Variants in NCAM2 observed in about 807,000 individuals in gnomAD.
The protein encoded by NCAM2 is neural cell adhesion molecule 2, also known as N-CAM-2.
Under a neutral mutation model 98.1 loss-of-function variants are expected in NCAM2, and 30 were observed. The observed-to-expected ratio is 0.31, with a 90% CI of 0.23 to 0.41. The LOEUF (loss-of-function observed/expected upper bound fraction) is 0.41. NCAM2 is among the 10% of genes least tolerant of loss of function. The pLI, the probability that NCAM2 is intolerant of heterozygous loss-of-function variation, is 1.00. For synonymous variants in NCAM2, 368 were observed against 342.4 expected, an observed-to-expected ratio of 1.07 and a Z score of -0.83; for missense variants, 867 against 1,005.8, an observed-to-expected ratio of 0.86 and a Z score of 1.87.
At chr21:21,216,774 T>C (rs1490154644) in intron 1 of NCAM2, among the ~76,000 whole-genome samples, 1 of 152,208 alleles carries the variant, frequency 6.6e-6, no homozygotes, top group East Asian at 1.9e-4. Context: ...AATGAGGATT[T>C]CTTTCCTCTG....
intron 1 of NCAM2, among the ~76,000 whole-genome samples, chr21:21,088,961 ACT>A (rs2065958308): frequency 7.4e-6 from 1 of 135,602 alleles, no homozygotes; most frequent in African/African-American, 3.1e-5. Context: ...ACAGAGCGAA[ACT>A]CTGTCTCAAA....
At chr21:21,243,276 GA>G (rs2071140600) in intron 1 of NCAM2, among the ~76,000 whole-genome samples, 1 of 152,134 alleles carries the variant, frequency 6.6e-6, no homozygotes, top group Non-Finnish European at 1.5e-5. Flanking sequence ...AAATAATTTA[GA>G]ATGCATAGAT....
intron 5 of NCAM2, among the ~76,000 whole-genome samples, chr21:21,313,383 G>T (rs1020056284): frequency 6.6e-6 from 1 of 151,712 alleles, no homozygotes; most frequent in Non-Finnish European, 1.5e-5. Flanking sequence ...ACTTTTTCAA[G>T]TTGAATGCAC....
chr21:21,420,992 A>G (rs925532079), intron 11 of NCAM2, among the ~76,000 whole-genome samples: 3 of 151,764 alleles, frequency 2.0e-5, no homozygotes, highest in Non-Finnish European at 4.4e-5. Context: ...TCTTTAAATT[A>G]GTATATAATT....
intron 12 of NCAM2, among the ~76,000 whole-genome samples, chr21:21,460,916 T>A (rs1982880174): frequency 6.9e-6 from 1 of 144,874 alleles, no homozygotes; most frequent in Non-Finnish European, 1.5e-5. Flanking sequence ...CCTTAACTCA[T>A]CCCAGTTCAC....
intron 1 of NCAM2, among the ~76,000 whole-genome samples, chr21:21,226,183 A>G (rs1043929472): frequency 6.6e-6 from 1 of 152,096 alleles, no homozygotes; most frequent in Non-Finnish European, 1.5e-5. Context: ...GAGGCAAAGG[A>G]TGAAAAACTA....
intron 1 of NCAM2, among the ~76,000 whole-genome samples, chr21:21,008,176 T>A (rs987800552): frequency 3.4e-5 from 5 of 147,596 alleles, no homozygotes; most frequent in African/African-American, 1.2e-4. Flanking sequence ...ATTAAAAAAA[T>A]TACTTACTTA....
At chr21:21,114,335 C>G (rs2066511725) in intron 1 of NCAM2, among the ~76,000 whole-genome samples, 1 of 152,124 alleles carries the variant, frequency 6.6e-6, no homozygotes, top group Admixed American at 6.5e-5. Context: ...ATTCTTTAAA[C>G]AGAAATGTGG....
At chr21:21,180,399 A>G (rs1015153656) in intron 1 of NCAM2, among the ~76,000 whole-genome samples, 4 of 152,102 alleles carry the variant, frequency 2.6e-5, no homozygotes, top group Admixed American at 6.6e-5. Context: ...TGTCAGGTGA[A>G]GAGTTTGCAA....
chr21:21,264,787 T>TAC (rs2072073097), intron 1 of NCAM2, among the ~76,000 whole-genome samples: 2 of 73,098 alleles, frequency 2.7e-5, no homozygotes, highest in African/African-American at 1.0e-4. Context: ...TATACATATA[T>TAC]ATATATTCCA....
chr21:21,271,467 T>A (rs2072495424), intron 1 of NCAM2, among the ~76,000 whole-genome samples: 1 of 152,210 alleles, frequency 6.6e-6, no homozygotes, highest in Non-Finnish European at 1.5e-5. Flanking sequence ...TAAATAGCAC[T>A]AAATTATTTT....
At chr21:21,531,854 G>A (rs8127069) in intron 16 of NCAM2, among the ~76,000 whole-genome samples, 21,603 of 149,174 alleles carry the variant, frequency 0.14, 1,666 homozygotes, top group East Asian at 0.23. Flanking sequence ...TTAGCCGGGC[G>A]TGGTGGTGGG....
chr21:21,324,390 A>G lies in NCAM2; in HGVS notation c.627A>G (p.Pro209=). The part of the protein sequence containing the change: ...RDIIVIVNVP[P]AISMPQKSFN... ...TATTCATCTCTCCTTCAGTGCCGCC[A>G]GCAATCTCAATGCCTCAGAAATCTT... Residue 209 remains proline, a synonymous_variant, in exon 6 of 18, where the codon CCA becomes CCG. Transcript: ENST00000400546. The G allele has an allele frequency of 6.2e-7, 1 of 1,612,630 alleles. No individual in the cohort carries two copies. The highest frequency in any genetic ancestry group is 8.5e-7 in the Non-Finnish European group (1 of 1,178,868).
intron 16 of NCAM2, among the ~76,000 whole-genome samples, chr21:21,532,908 C>CT (rs1989785808): frequency 1.3e-5 from 2 of 152,048 alleles, no homozygotes; most frequent in South Asian, 4.1e-4. Flanking sequence ...GTGTGAATCA[C>CT]TGTCTCTTAC....
chr21:21,155,817 A>G (rs2067593788), intron 1 of NCAM2, among the ~76,000 whole-genome samples: 1 of 152,016 alleles, frequency 6.6e-6, no homozygotes, highest in African/African-American at 2.4e-5. Context: ...CATGGGAGCA[A>G]GTTTTTCAAA....
chr21:21,086,352 A>G (rs954982340), intron 1 of NCAM2, among the ~76,000 whole-genome samples: 1 of 152,232 alleles, frequency 6.6e-6, no homozygotes, highest in Non-Finnish European at 1.5e-5. Context: ...TTATCCTTGG[A>G]TTCAACAGCT....
At chr21:21,294,458 G>A (rs1241084246) in intron 5 of NCAM2, among the ~76,000 whole-genome samples, 1 of 151,800 alleles carries the variant, frequency 6.6e-6, no homozygotes, top group African/African-American at 2.4e-5. Flanking sequence ...CCTCCCAAAA[G>A]TAAATTCTTC....
At chr21:21,001,965 G>T (rs6518018) in intron 1 of NCAM2, among the ~76,000 whole-genome samples, 87,898 of 151,862 alleles carry the variant, frequency 0.58, 26,024 homozygotes, top group East Asian at 0.81. Context: ...ACAGGAGAGA[G>T]CTCCACAAAC....
chr21:21,412,861 T>C (rs62207440), intron 10 of NCAM2, among the ~76,000 whole-genome samples: 1 of 151,874 alleles, frequency 6.6e-6, no homozygotes, highest in Non-Finnish European at 1.5e-5. Flanking sequence ...TAATTATTAG[T>C]ATATACAGTT....
Sources: gnomAD v4.1 joint callset for allele counts (sites outside exome capture counted in the v4.1 genomes callset) on GRCh38, gnomAD v4.1.1 for gene constraint, MANE v1.5 for transcripts, NCBI Gene and HGNC (gene_info 2026-07-23, HGNC 2026-07-21) for gene names.